Variants in VPS8 observed in about 807,000 individuals in gnomAD.
VPS8 encodes the protein vacuolar protein sorting-associated protein 8 homolog.
VPS8 carries 129 observed loss-of-function variants against 216.4 expected under a neutral mutation model. The ratio of observed to expected loss-of-function variants is 0.60; its 90% CI spans 0.52 to 0.69. The LOEUF is 0.69. Ranked by LOEUF, VPS8 falls within the 30% of genes least tolerant of loss-of-function variation. The pLI is 0.00. For missense variants in VPS8, 1,531 were observed against 1,683.5 expected, an observed-to-expected ratio of 0.91 and a Z score of 1.59; for synonymous variants, 571 against 565.4, an observed-to-expected ratio of 1.01 and a Z score of -0.14.
At chr3:184,972,634 G>A (rs2109650114) in intron 40 of VPS8, among the ~76,000 whole-genome samples, 1 of 152,326 alleles carries the variant, frequency 6.6e-6, no homozygotes, top group South Asian at 2.1e-4. Flanking sequence ...TGATTCCAAT[G>A]TGCAGCCAAG....
At chr3:185,021,274 C>T (rs1307984860) in intron 45 of VPS8, among the ~76,000 whole-genome samples, 4 of 152,162 alleles carry the variant, frequency 2.6e-5, no homozygotes, top group Non-Finnish European at 5.9e-5. Flanking sequence ...CTCTTTTAAG[C>T]TTCATTGCCT....
chr3:184,935,882 CT>C (rs1174344371), intron 34 of VPS8, among the ~76,000 whole-genome samples: 2 of 152,134 alleles, frequency 1.3e-5, no homozygotes, highest in Non-Finnish European at 2.9e-5. Context: ...TTTCTCGTTT[CT>C]TCAAGTTATT....
Position 184,834,114 on chromosome 3 carries a change from T to C in VPS8, c.354-535T>C, listed in dbSNP as rs368869969. ...TGGTTGAAGATTGAGAGGGTGGTCATAGGAGAAGCAGCAGCACAGGAAAGG... is the reference window on the plus strand; with the variant it reads ...TGGTTGAAGATTGAGAGGGTGGTCACAGGAGAAGCAGCAGCACAGGAAAGG... On this transcript the variant is annotated intron_variant, in intron 4 of 47. Transcript: ENST00000625842. 7.2e-5 allele frequency among the ~76,000 whole-genome samples: 11 copies of C among 152,196 alleles called. No individual in the cohort carries two copies. The East Asian group carries it at 1.9e-3, about 27-fold the overall frequency.
intron 28 of VPS8, 124 bp from the exon 29 acceptor site, chr3:184,920,003 C>T: frequency 2.9e-6 from 2 of 694,238 alleles, no homozygotes; most frequent in East Asian, 6.0e-5. Flanking sequence ...AAGACAAAAC[C>T]TAATGAGGAA....
chr3:184,855,879 A>G, intron 14 of VPS8, 61 bp downstream of exon 14: 1 of 1,322,164 alleles, frequency 7.6e-7, no homozygotes, highest in Non-Finnish European at 1.1e-6. Context: ...TCAGCAATTA[A>G]TAATGTGTCA....
rs116485099 is a variant in VPS8 at position 184,921,553 on chromosome 3, C to T, written c.2454+1355C>T. Among the ~76,000 whole-genome samples the T allele has an allele frequency of 1.0e-2, 1,518 of 152,100 alleles. 25 individuals carry two copies. The highest frequency in any genetic ancestry group is 0.031 in the African/African-American group (1,266 of 41,486). ...TCTTGTAACCATGTGCTTAGCTAAA[C>T]ATGAGGAGTTCTGTTTTTCTTCTTC... On this transcript the variant is annotated intron_variant, in intron 29 of 47. Coordinates refer to ENST00000625842, the MANE Select transcript of VPS8 (RefSeq NM_001009921.3).
intron 40 of VPS8, among the ~76,000 whole-genome samples, chr3:184,973,249 A>G (rs1748722355): frequency 6.6e-6 from 1 of 152,206 alleles, no homozygotes; most frequent in Admixed American, 6.5e-5. Flanking sequence ...AGAAATAACC[A>G]TCATTATCAT....
rs1424245889 is a variant in VPS8 at position 184,954,148 on chromosome 3, G to A, written c.3036-3226G>A. Among the ~76,000 whole-genome samples, 10 of 152,154 alleles carry A rather than the reference G, an allele frequency of 6.6e-5. No homozygotes were observed. The South Asian group carries it at 1.9e-3, about 28-fold the overall frequency. ...AATAAAGGATATTACAAAGGATATA[G>A]GGGAACAGCCACATAGAAGAAATGA... On this transcript the variant is annotated intron_variant, in intron 36 of 47. Transcript: ENST00000625842.
intron 40 of VPS8, among the ~76,000 whole-genome samples, chr3:184,978,325 C>T (rs1211069175): frequency 6.6e-6 from 1 of 152,074 alleles, no homozygotes; most frequent in East Asian, 1.9e-4. Flanking sequence ...GATCTTCTCT[C>T]CTTTTCCCTC....
chr3:184,833,105 T>C (rs1720344778), intron 4 of VPS8, among the ~76,000 whole-genome samples: 3 of 152,252 alleles, frequency 2.0e-5, no homozygotes, highest in African/African-American at 7.2e-5. Flanking sequence ...ACAGTGTCTG[T>C]GGTGGAAACA....
chr3:184,817,760 A>G (rs2108470781), intron 1 of VPS8, among the ~76,000 whole-genome samples: 1 of 152,386 alleles, frequency 6.6e-6, no homozygotes. Flanking sequence ...TATGTTAATC[A>G]AACATTTTTC....
At position 184,876,959 on chromosome 3, in the gene VPS8, T is replaced by C. The variant is rs141812252; in HGVS notation, c.1734+6154T>C. On this transcript the variant is annotated intron_variant, in intron 21 of 47. Transcript: ENST00000625842. ...AATATTTTAAGGACTTCCTATTGTT[T>C]CTGAGGTAGAGACTAAATTCCCTAA... 1.9e-3 allele frequency among the ~76,000 whole-genome samples: 286 copies of C among 152,334 alleles called. 1 individual carries two copies. The highest frequency in any genetic ancestry group is 6.1e-3 in the African/African-American group (255 of 41,570).
At chr3:185,035,531 A>C (rs1157005707) in intron 46 of VPS8, among the ~76,000 whole-genome samples, 1 of 152,246 alleles carries the variant, frequency 6.6e-6, no homozygotes, top group East Asian at 1.9e-4. Context: ...CTATATTTGC[A>C]GAAAAGTCTT....
chr3:184,909,800 C>G (rs529315782), intron 25 of VPS8, among the ~76,000 whole-genome samples: 2 of 152,138 alleles, frequency 1.3e-5, no homozygotes, highest in African/African-American at 4.8e-5. Flanking sequence ...GTTTTTCATG[C>G]TGGATAATTT....
intron 16 of VPS8, 27 bp from the exon 17 acceptor site, chr3:184,866,849 T>G (rs755586975): frequency 6.3e-7 from 1 of 1,597,002 alleles, no homozygotes; most frequent in Non-Finnish European, 8.5e-7. Context: ...TTTTTTTACC[T>G]TTTTTGTATG....
intron 15 of VPS8, among the ~76,000 whole-genome samples, chr3:184,862,105 G>A (rs1368329861): frequency 6.6e-6 from 1 of 152,054 alleles, no homozygotes; most frequent in Non-Finnish European, 1.5e-5. Flanking sequence ...TGATGACATG[G>A]AATAGAACAT....
rs971394627 is a variant in VPS8 at position 184,971,845 on chromosome 3, C to T, written c.3420+93C>T. 54 of 963,200 alleles carry T rather than the reference C, an allele frequency of 5.6e-5. No individual in the cohort carries two copies. In the African/African-American group the frequency reaches 7.5e-4, roughly 13 times the overall value. The allele number at this position is 963,200 out of a possible 1,614,324, so 59.7% of individuals were successfully genotyped here. A position where few individuals can be genotyped will look rare whatever the true frequency, so the allele number is the denominator to read the frequency against. ...ATCCCAGCACTTTGGGAGGCCGAGA[C>T]GGACAGATCACCTGAGGTCAGGAGT... On this transcript the variant is annotated intron_variant, in intron 40 of 47. Coordinates refer to ENST00000625842, the MANE Select transcript of VPS8 (RefSeq NM_001009921.3).
intron 45 of VPS8, among the ~76,000 whole-genome samples, chr3:185,008,066 T>G (rs1754503577): frequency 6.6e-6 from 1 of 151,978 alleles, no homozygotes; most frequent in Non-Finnish European, 1.5e-5. Flanking sequence ...TTACTATAAT[T>G]AAACCAAATA....
At chr3:184,842,226 A>G (rs903423036) in intron 7 of VPS8, among the ~76,000 whole-genome samples, 4 of 147,874 alleles carry the variant, frequency 2.7e-5, no homozygotes, top group Non-Finnish European at 6.0e-5. Context: ...GTGACTGCTT[A>G]TCATCAAACT....
Sources: allele counts gnomAD v4.1 joint callset (sites outside exome capture counted in the v4.1 genomes callset), GRCh38; gene constraint gnomAD v4.1.1; transcripts MANE v1.5; gene names NCBI Gene and HGNC (gene_info 2026-07-23, HGNC 2026-07-21).